PCDH9: variants seen among roughly 807,000 people sequenced by gnomAD.
PCDH9 encodes protocadherin 9.
Under a neutral mutation model 70.6 loss-of-function variants are expected in PCDH9, and 24 were observed. The ratio of observed to expected loss-of-function variants is 0.34; its 90% CI spans 0.25 to 0.48. The LOEUF (loss-of-function observed/expected upper bound fraction) is 0.48, where lower values mean the gene tolerates loss of function less well. Ranked by LOEUF, PCDH9 falls within the 20% of genes least tolerant of loss-of-function variation. The pLI is 0.99. For synonymous variants in PCDH9, 562 were observed against 558.5 expected (o/e 1.01, Z -0.09); for missense variants, 1,281 against 1,503.6 (o/e 0.85, Z 2.45).
chr13:66,584,867 A>C (rs548524090), intron 4 of PCDH9, among the ~76,000 whole-genome samples: 3 of 152,272 alleles, frequency 2.0e-5, no homozygotes, highest in Admixed American at 2.0e-4. Flanking sequence ...GAAGAGTTTA[A>C]TTGAAACTAG....
At chr13:66,428,966 GT>G (rs1016498740) in intron 4 of PCDH9, among the ~76,000 whole-genome samples, 2 of 151,774 alleles carry the variant, frequency 1.3e-5, no homozygotes, top group Non-Finnish European at 2.9e-5. Flanking sequence ...TTTTTATGGT[GT>G]GTAACAGGAT....
chr13:66,487,029 C>T (rs761754007), intron 4 of PCDH9, among the ~76,000 whole-genome samples: 12 of 152,208 alleles, frequency 7.9e-5, no homozygotes, highest in Non-Finnish European at 1.2e-4. Context: ...TTAACAATTA[C>T]GTTTAACTTG....
At chr13:66,726,871 A>G (rs2079012219) in intron 3 of PCDH9, among the ~76,000 whole-genome samples, 1 of 152,184 alleles carries the variant, frequency 6.6e-6, no homozygotes, top group African/African-American at 2.4e-5. Flanking sequence ...ATATTTTCAT[A>G]TTCACCAAAA....
intron 4 of PCDH9, among the ~76,000 whole-genome samples, chr13:66,451,686 C>A (rs1958213941): frequency 6.6e-6 from 1 of 152,102 alleles, no homozygotes; most frequent in African/African-American, 2.4e-5. Flanking sequence ...CACAAAGCTA[C>A]CAAATGAAAC....
At chr13:67,154,467 T>C (rs1303771072) in intron 2 of PCDH9, among the ~76,000 whole-genome samples, 1 of 149,926 alleles carries the variant, frequency 6.7e-6, no homozygotes. Context: ...GTCCCAGCTA[T>C]TGGGGAGGCT....
intron 2 of PCDH9, among the ~76,000 whole-genome samples, chr13:66,933,503 T>C (rs1453404144): frequency 6.6e-6 from 1 of 152,208 alleles, no homozygotes; most frequent in Non-Finnish European, 1.5e-5. Flanking sequence ...ACTTCAAACT[T>C]TGTATTGCTA....
At chr13:66,568,636 C>T (rs1254150603) in intron 4 of PCDH9, among the ~76,000 whole-genome samples, 1 of 148,890 alleles carries the variant, frequency 6.7e-6, no homozygotes, top group South Asian at 2.1e-4. Context: ...CATGCCACTG[C>T]AATCCAGCCT....
chr13:66,875,054 T>C (rs912560897), intron 3 of PCDH9, among the ~76,000 whole-genome samples: 3 of 151,812 alleles, frequency 2.0e-5, no homozygotes, highest in African/African-American at 4.8e-5. Flanking sequence ...ACTTCATAAA[T>C]ACATGAAATA....
chr13:67,044,605 G>T (rs2085187204), intron 2 of PCDH9, among the ~76,000 whole-genome samples: 1 of 152,118 alleles, frequency 6.6e-6, no homozygotes, highest in Non-Finnish European at 1.5e-5. Context: ...TTTCAATGGA[G>T]TACCATAAAT....
intron 2 of PCDH9, among the ~76,000 whole-genome samples, chr13:67,056,079 CTGAT>C (rs1481616224): frequency 3.3e-5 from 5 of 152,076 alleles, no homozygotes; most frequent in African/African-American, 7.2e-5. Context: ...ATCTTCAAAA[CTGAT>C]TGCTGTTATT....
chr13:66,589,411 C>A (rs2077009924), intron 4 of PCDH9, among the ~76,000 whole-genome samples: 1 of 151,994 alleles, frequency 6.6e-6, no homozygotes, highest in South Asian at 2.1e-4. Flanking sequence ...GCTAATTACC[C>A]CGATCTGATC....
At chr13:66,455,980 C>T (rs529680932) in intron 4 of PCDH9, among the ~76,000 whole-genome samples, 18 of 152,136 alleles carry the variant, frequency 1.2e-4, no homozygotes, top group African/African-American at 3.6e-4. Context: ...TAAACGATGT[C>T]GCATGAATAT....
In PCDH9 at chr13:67,071,135, T is replaced by A. The variant is rs74093593; in HGVS notation, c.3036+154270A>T. ...TGCACACTCCCTCAACCCCCAGTCG[T>A]AACAGAAAAAACAAGGAGAGCCAAA... On this transcript the variant is annotated intron_variant, in intron 2 of 4. Coordinates refer to ENST00000377865, the MANE Select transcript of PCDH9 (RefSeq NM_203487.3). 5.4e-3 allele frequency among the ~76,000 whole-genome samples: 819 copies of A among 152,200 alleles called. 7 individuals carry two copies. Among genetic ancestry groups the A allele is most frequent in the African/African-American group, 0.019 (787 of 41,548 alleles).
chr13:66,342,858 C>A (rs1039346011), intron 4 of PCDH9, among the ~76,000 whole-genome samples: 1 of 151,782 alleles, frequency 6.6e-6, no homozygotes, highest in Non-Finnish European at 1.5e-5. Flanking sequence ...GTTGCCCAGG[C>A]TGGCCTCGAA....
intron 4 of PCDH9, among the ~76,000 whole-genome samples, chr13:66,348,736 TA>T (rs575376584): frequency 1.2e-4 from 18 of 150,622 alleles, no homozygotes; most frequent in African/African-American, 4.2e-4. Flanking sequence ...TAACACCTGA[TA>T]GATTCTACTT....
intron 2 of PCDH9, among the ~76,000 whole-genome samples, chr13:67,180,427 C>G (rs996123220): frequency 3.9e-5 from 6 of 152,012 alleles, no homozygotes; most frequent in Non-Finnish European, 8.8e-5. Flanking sequence ...CACTGTTGGG[C>G]TCCTGTATGG....
intron 2 of PCDH9, among the ~76,000 whole-genome samples, chr13:67,188,365 A>AT (rs974158310): frequency 6.6e-6 from 1 of 152,090 alleles, no homozygotes; most frequent in Non-Finnish European, 1.5e-5. Flanking sequence ...CAAAGTAAAG[A>AT]TTTTTTTCAA....
chr13:66,624,180 C>G (rs1455150017), intron 4 of PCDH9, among the ~76,000 whole-genome samples: 1 of 152,026 alleles, frequency 6.6e-6, no homozygotes, highest in East Asian at 1.9e-4. Context: ...TTTTTGTCTG[C>G]TTTTGAATTA....
chr13:67,125,118 A>G (rs2086951187), intron 2 of PCDH9, among the ~76,000 whole-genome samples: 1 of 152,102 alleles, frequency 6.6e-6, no homozygotes. Context: ...TAAAATTGGG[A>G]ATGTTCAGAG....
Sources: allele counts gnomAD v4.1 joint callset (sites outside exome capture counted in the v4.1 genomes callset), GRCh38; gene constraint gnomAD v4.1.1; transcripts MANE v1.5; gene names NCBI Gene and HGNC (gene_info 2026-07-23, HGNC 2026-07-21).